DLC1: variants seen among roughly 807,000 people sequenced by gnomAD.
DLC1 encodes DLC1 Rho GTPase activating protein.
Under a neutral mutation model 140.3 loss-of-function variants are expected in DLC1, and 54 were observed. The ratio of observed to expected loss-of-function variants is 0.38; its 90% CI spans 0.31 to 0.48. DLC1 has a LOEUF of 0.48. Ranked by LOEUF, DLC1 falls within the 20% of genes least tolerant of loss-of-function variation. DLC1 has a pLI of 0.96. For missense variants in DLC1, 2,536 were observed against 1,907.0 expected, an observed-to-expected ratio of 1.33 and a Z score of -6.14; for synonymous variants, 986 against 728.1, an observed-to-expected ratio of 1.35 and a Z score of -5.70.
At chr8:13,557,045 G>A (rs562278115) in intron 1 of DLC1, among the ~76,000 whole-genome samples, 21 of 152,272 alleles carry the variant, frequency 1.4e-4, no homozygotes, top group Middle Eastern at 3.4e-3. Context: ...GGTCTGAAGG[G>A]TGAGAAGTGA....
At chr8:13,530,819 C>T (rs990328049) in intron 1 of DLC1, among the ~76,000 whole-genome samples, 1 of 152,148 alleles carries the variant, frequency 6.6e-6, no homozygotes, top group African/African-American at 2.4e-5. Context: ...CATTTCATTT[C>T]GGAGTCATGA....
intron 4 of DLC1, among the ~76,000 whole-genome samples, chr8:13,334,445 A>G (rs562104194): frequency 1.3e-5 from 2 of 152,266 alleles, no homozygotes; most frequent in South Asian, 4.2e-4. Context: ...GAAGAGTATC[A>G]TAAGTGGATT....
At chr8:13,243,491 G>C (rs1829629353) in intron 5 of DLC1, among the ~76,000 whole-genome samples, 1 of 152,054 alleles carries the variant, frequency 6.6e-6, no homozygotes. Context: ...GTCTCAGGTA[G>C]TTTTGTACAG....
At chr8:13,333,379 C>A (rs781577004) in intron 4 of DLC1, among the ~76,000 whole-genome samples, 2 of 150,482 alleles carry the variant, frequency 1.3e-5, no homozygotes, top group South Asian at 2.1e-4. Context: ...CTGAGCACCA[C>A]CGTGCCTGGC....
At chr8:13,240,058 G>A (rs1249656145) in intron 5 of DLC1, among the ~76,000 whole-genome samples, 8 of 152,124 alleles carry the variant, frequency 5.3e-5, no homozygotes, top group African/African-American at 1.7e-4. Flanking sequence ...TAGACACGTG[G>A]GAACAAGATT....
chr8:13,178,355 G>A (rs1319044751), intron 5 of DLC1, among the ~76,000 whole-genome samples: 1 of 152,040 alleles, frequency 6.6e-6, no homozygotes, highest in East Asian at 1.9e-4. Flanking sequence ...GAGGTCAGGA[G>A]ATCAAGACCA....
At chr8:13,266,728 G>C (rs918529291) in intron 5 of DLC1, among the ~76,000 whole-genome samples, 8 of 152,022 alleles carry the variant, frequency 5.3e-5, no homozygotes, top group South Asian at 4.1e-4. Context: ...CTGGGCAATA[G>C]AGAAAGACTT....
At chr8:13,603,159 G>A (rs913840778) in intron 1 of DLC1, among the ~76,000 whole-genome samples, 3 of 151,856 alleles carry the variant, frequency 2.0e-5, no homozygotes, top group East Asian at 1.9e-4. Flanking sequence ...TAAGTCACAC[G>A]GAATAATAAT....
At chr8:13,285,964 ATG>A (rs1385622054) in intron 5 of DLC1, among the ~76,000 whole-genome samples, 1 of 152,156 alleles carries the variant, frequency 6.6e-6, no homozygotes, top group Non-Finnish European at 1.5e-5. Flanking sequence ...GAATTTTTAG[ATG>A]TGATGATGAA....
chr8:13,098,649 T>A (rs1054975063), intron 9 of DLC1, 74 bp from the exon 10 acceptor site: 1 of 1,462,872 alleles, frequency 6.8e-7, no homozygotes, highest in Non-Finnish European at 9.1e-7. Flanking sequence ...TTTTTCTTGC[T>A]CTGTTGCCCA....
intron 2 of DLC1, among the ~76,000 whole-genome samples, chr8:13,487,663 A>G (rs1801033498): frequency 6.6e-6 from 1 of 151,644 alleles, no homozygotes; most frequent in Non-Finnish European, 1.5e-5. Flanking sequence ...AACCTCCCCA[A>G]CCCGGGTTCA....
chr8:13,206,724 C>A (rs953535157), intron 5 of DLC1, among the ~76,000 whole-genome samples: 2 of 151,904 alleles, frequency 1.3e-5, no homozygotes, highest in Non-Finnish European at 2.9e-5. Flanking sequence ...ATTAAAAAAA[C>A]CCAAATTAGT....
At chr8:13,305,217 A>C (rs1357767254) in intron 5 of DLC1, 52 bp downstream of exon 5, 1 of 1,597,454 alleles carries the variant, frequency 6.3e-7, no homozygotes, top group Non-Finnish European at 8.5e-7. Flanking sequence ...TTTAAGGTGA[A>C]ATTTATTCTA....
At chr8:13,221,851 A>G (rs1050357029) in intron 5 of DLC1, among the ~76,000 whole-genome samples, 65 of 144,578 alleles carry the variant, frequency 4.5e-4, no homozygotes, top group African/African-American at 1.6e-3. Flanking sequence ...TATAAAATAT[A>G]TTAATATATT....
intron 5 of DLC1, among the ~76,000 whole-genome samples, chr8:13,218,651 A>G (rs1466848674): frequency 6.6e-6 from 1 of 151,308 alleles, no homozygotes; most frequent in Non-Finnish European, 1.5e-5. Flanking sequence ...AGGTAGAGAA[A>G]CTGGTTCACG....
intron 5 of DLC1, among the ~76,000 whole-genome samples, chr8:13,261,600 G>A (rs549472157): frequency 6.6e-6 from 1 of 152,272 alleles, no homozygotes; most frequent in Non-Finnish European, 1.5e-5. Context: ...TAAGAACACA[G>A]GTGCGAGGCA....
intron 5 of DLC1, among the ~76,000 whole-genome samples, chr8:13,159,345 C>T (rs1014789748): frequency 6.6e-6 from 1 of 152,146 alleles, no homozygotes; most frequent in African/African-American, 2.4e-5. Flanking sequence ...GGCAGTGGTG[C>T]CAGCCACCCC....
rs145411462 is a variant in DLC1, at chr8:13,250,746, A to G, written c.1348+54523T>C. 4.0e-5 allele frequency among the ~76,000 whole-genome samples: 6 copies of G among 151,888 alleles called. No individual in the cohort carries two copies. The South Asian group carries it at 6.2e-4, about 16-fold the overall frequency. ...GTATTTAAGCAGAGTGGAAGTTGCT[A>G]TTAATGAGAAAAAAAGAAAGAGAGA... On this transcript the variant is annotated intron_variant, in intron 5 of 17. Coordinates refer to ENST00000276297, the MANE Select transcript of DLC1 (RefSeq NM_182643.3).
intron 2 of DLC1, among the ~76,000 whole-genome samples, chr8:13,487,585 T>G (rs979134209): frequency 1.3e-5 from 2 of 152,036 alleles, no homozygotes; most frequent in Non-Finnish European, 2.9e-5. Context: ...TCCTTTTTTT[T>G]TTTTTTGAAA....
Sources: gnomAD v4.1 joint callset for allele counts (sites outside exome capture counted in the v4.1 genomes callset) on GRCh38, gnomAD v4.1.1 for gene constraint, MANE v1.5 for transcripts, NCBI Gene and HGNC (gene_info 2026-07-23, HGNC 2026-07-21) for gene names.